TRPM4: variants seen among roughly 807,000 people sequenced by gnomAD.
TRPM4 encodes transient receptor potential cation channel subfamily M member 4.
In TRPM4, 124 loss-of-function variants were observed where a neutral mutation model predicts 135.6. The observed-to-expected ratio is 0.91, with a 90% CI of 0.79 to 1.06. TRPM4 has a LOEUF of 1.06. Among genes scored for constraint, TRPM4 ranks in the 50% least tolerant of loss-of-function variants. The pLI is 0.00. For synonymous variants in TRPM4, 745 were observed against 705.6 expected, an observed-to-expected ratio of 1.06 and a Z score of -0.88; for missense variants, 1,658 against 1,671.4, an observed-to-expected ratio of 0.99 and a Z score of 0.14.
chr19:49,183,951 T>A (rs1968101990), intron 12 of TRPM4, among the ~76,000 whole-genome samples: 1 of 151,804 alleles, frequency 6.6e-6, no homozygotes, highest in Non-Finnish European at 1.5e-5. Context: ...TTTTTTGTAT[T>A]TTTAGTAGAG....
rs1968863800 is a variant in TRPM4 at position 49,200,297 on chromosome 19, C to T, written c.2646-3C>T. The T allele has an allele frequency of 1.2e-6, 2 of 1,614,008 alleles. No individual in the cohort carries two copies. The highest frequency in any genetic ancestry group is 1.3e-5 in the African/African-American group (1 of 74,900). The stretch of plus-strand genomic sequence containing the variant: ...ACCCTTGTGGCATCTCCCCACACCC[C>T]AGGCTGACCCCGGGTTTGTACCACC... On this transcript the variant is annotated splice_polypyrimidine_tract_variant and splice_region_variant and intron_variant, in intron 17 of 24. Coordinates refer to ENST00000252826, the MANE Select transcript of TRPM4 (RefSeq NM_017636.4).
intron 9 of TRPM4, among the ~76,000 whole-genome samples, chr19:49,176,792 C>T (rs984211035): frequency 2.6e-5 from 4 of 152,102 alleles, no homozygotes; most frequent in Non-Finnish European, 4.4e-5. Context: ...TGGAGGTTGC[C>T]GTGAGCCAAG....
intron 16 of TRPM4, among the ~76,000 whole-genome samples, chr19:49,192,760 G>C (rs1968458038): frequency 6.6e-6 from 1 of 151,874 alleles, no homozygotes; most frequent in African/African-American, 2.4e-5. Flanking sequence ...GGAATAATCT[G>C]TACAACAAAC....
At chr19:49,166,273 C>CT in intron 3 of TRPM4, 58 bp downstream of exon 3, 1 of 1,519,110 alleles carries the variant, frequency 6.6e-7, no homozygotes, top group African/African-American at 1.4e-5. Context: ...GCTCGGGGCT[C>CT]CAGAGTGGAG....
chr19:49,157,822 G>T lies in TRPM4; in HGVS notation c.-45G>T. ...TCTGGAAGCAGAGCCGGCGGAGGGA[G>T]CGCCGGGGCCCTGGGCTGCAGGAGG... On this transcript the variant is annotated 5_prime_UTR_variant, in exon 1 of 25. Coordinates refer to ENST00000252826, the MANE Select transcript of TRPM4 (RefSeq NM_017636.4). 1.3e-6 allele frequency: 2 copies of T among 1,533,428 alleles called. No individual in the cohort carries two copies. The highest frequency in any genetic ancestry group is 1.7e-6 in the Non-Finnish European group (2 of 1,145,638). The allele number at this position is 1,533,428 out of a possible 1,614,324, so 95.0% of individuals were successfully genotyped here. A position where few individuals can be genotyped will look rare whatever the true frequency, so the allele number is the denominator to read the frequency against.
chr19:49,185,988 T>C (rs1225702219), intron 12 of TRPM4, among the ~76,000 whole-genome samples: 1 of 151,972 alleles, frequency 6.6e-6, no homozygotes, highest in Admixed American at 6.6e-5. Context: ...TGACCTCAGG[T>C]GATCCACCCA....
chr19:49,211,350 A>G lies in TRPM4; in HGVS notation c.3640+81A>G. The G allele has an allele frequency of 6.4e-7, 1 of 1,573,592 alleles. No individual in the cohort carries two copies. The highest frequency in any genetic ancestry group is 8.7e-7 in the Non-Finnish European group (1 of 1,149,688). ...TGTTTTTCTCTCTCGGCACCTTTCC[A>G]GTGTCCCTGGGTCACTCTCTTGGTC... On this transcript the variant is annotated intron_variant, in intron 24 of 24. Coordinates refer to ENST00000252826, the MANE Select transcript of TRPM4 (RefSeq NM_017636.4). The surrounding 1 kb of genome is among the most constrained non-coding windows in gnomAD (Gnocchi z 4.8).
rs763969956 is a variant in TRPM4, at chr19:49,166,173, C to G, written c.225C>G (p.Tyr75Ter). 1 of 1,609,160 alleles carries G rather than the reference C, an allele frequency of 6.2e-7. No individual in the cohort carries two copies. The highest frequency in any genetic ancestry group is 8.5e-7 in the Non-Finnish European group (1 of 1,178,584). Residue 75 changes from tyrosine (Y) to a stop codon, truncating the protein, a stop_gained, in exon 3 of 25, where the codon TAC (tyrosine) becomes TAG (stop). Coordinates refer to ENST00000252826, the MANE Select transcript of TRPM4 (RefSeq NM_017636.4). LOFTEE classifies it high-confidence loss of function. Reference sequence around the variant, plus strand: ...CCACGGAGAAGCCCACCGATGCCTACGGAGAGCTGGACTTCACGGGGGCCG... The same window carrying G: ...CCACGGAGAAGCCCACCGATGCCTAGGGAGAGCTGGACTTCACGGGGGCCG... The part of the protein sequence containing the change: ...AHTTEKPTDA[Y>*]GELDFTGAGR...
At position 49,196,609 on chromosome 19, in the gene TRPM4, C is replaced by T. The variant is rs3745301; in HGVS notation, c.2380C>T (p.Leu794=). 0.059 allele frequency: 91,583 copies of T among 1,555,502 alleles called. 3,211 individuals carry two copies. The highest frequency in any genetic ancestry group is 0.15 in the East Asian group (6,245 of 41,884). ...CAACGTGGTCAGCTACCTGCTGTTC[C>T]TGCTGCTTTTCTCGCGGGTGCTGCT... ...MGNVVSYLLF[L]LLFSRVLLVD... Residue 794 remains leucine (L), a synonymous_variant, in exon 17 of 25, where the codon CTG becomes TTG. Coordinates refer to ENST00000252826, the MANE Select transcript of TRPM4 (RefSeq NM_017636.4).
chr19:49,157,860 C>G lies in TRPM4; in HGVS notation c.-7C>G. ...GGGCTGCAGGAGGTTGCGGCGGCCGCGGCAGCATGGTGGTGCCGGAGAAGG... is the reference window on the plus strand; with the variant it reads ...GGGCTGCAGGAGGTTGCGGCGGCCGGGGCAGCATGGTGGTGCCGGAGAAGG... On this transcript the variant is annotated 5_prime_UTR_variant, in exon 1 of 25. Coordinates refer to ENST00000252826, the MANE Select transcript of TRPM4 (RefSeq NM_017636.4). 1 of 1,534,510 alleles carries G rather than the reference C, an allele frequency of 6.5e-7. No individual in the cohort carries two copies. Among genetic ancestry groups the G allele is most frequent in the South Asian group, 1.2e-5 (1 of 83,962 alleles).
At chr19:49,158,610 TCA>T in intron 2 of TRPM4, 3 of 283,240 alleles carry the variant, frequency 1.1e-5, no homozygotes, top group Non-Finnish European at 6.8e-6. Flanking sequence ...ATTCATTCAT[TCA>T]TTCATTCATC....
chr19:49,190,943 T>G (rs1011954762), intron 16 of TRPM4, among the ~76,000 whole-genome samples, 170 bp downstream of exon 16: 4 of 152,140 alleles, frequency 2.6e-5, no homozygotes, highest in African/African-American at 4.8e-5. Context: ...TTCTGCAGGT[T>G]GTACAGGAAG....
Position 49,210,610 on chromosome 19 carries a change from T to C in TRPM4, c.3329-100T>C, listed in dbSNP as rs1430935904. ...GGCATGTTCTCGAATCACCAGGGGC[T>C]GGGTCTGGGATAGCGTGCGTGTTCT... On this transcript the variant is annotated intron_variant, in intron 21 of 24. Coordinates refer to ENST00000252826, the MANE Select transcript of TRPM4 (RefSeq NM_017636.4). This position sits in a 1 kb window ranked among gnomAD's most constrained non-coding sequence, Gnocchi z 4.1. 1 of 1,577,924 alleles carries C rather than the reference T, an allele frequency of 6.3e-7. No individual in the cohort carries two copies. The highest frequency in any genetic ancestry group is 8.7e-7 in the Non-Finnish European group (1 of 1,151,456).
At chr19:49,195,840 C>T (rs1968612120) in intron 16 of TRPM4, among the ~76,000 whole-genome samples, 1 of 150,028 alleles carries the variant, frequency 6.7e-6, no homozygotes, top group Admixed American at 6.6e-5. Context: ...CTTGCCCCTA[C>T]TACTGGCTAA....
chr19:49,192,792 A>G (rs1968459007), intron 16 of TRPM4, among the ~76,000 whole-genome samples: 1 of 152,110 alleles, frequency 6.6e-6, no homozygotes, highest in South Asian at 2.1e-4. Flanking sequence ...AAATTTACCT[A>G]CCTAACAAAC....
intron 2 of TRPM4, 108 bp downstream of exon 2, chr19:49,158,367 A>G: frequency 1.9e-6 from 2 of 1,078,274 alleles, no homozygotes; most frequent in South Asian, 2.5e-5. Context: ...GGACTCGGGG[A>G]CCTTCCCAAG....
At chr19:49,203,312 TA>T (rs1384640357) in intron 20 of TRPM4, among the ~76,000 whole-genome samples, 1 of 152,010 alleles carries the variant, frequency 6.6e-6, no homozygotes, top group Non-Finnish European at 1.5e-5. Flanking sequence ...CCCAAGTAGC[TA>T]GGACTACAGG....
At chr19:49,183,044 G>T (rs772458499) in intron 11 of TRPM4, 34 bp from the exon 12 acceptor site, 2 of 1,608,442 alleles carry the variant, frequency 1.2e-6, no homozygotes, top group Non-Finnish European at 1.7e-6. Flanking sequence ...GTTGGGGAGG[G>T]GCTGGTCCTC....
chr19:49,181,803 G>A (rs1029876161), intron 10 of TRPM4, among the ~76,000 whole-genome samples: 4 of 151,894 alleles, frequency 2.6e-5, no homozygotes, highest in Non-Finnish European at 5.9e-5. Context: ...AAGTGCTGGG[G>A]TTACAGGCAT....
Sources: allele counts gnomAD v4.1 joint callset (sites outside exome capture counted in the v4.1 genomes callset), GRCh38; gene constraint gnomAD v4.1.1; non-coding constraint Gnocchi (gnomAD v3.1); transcripts MANE v1.5; gene names NCBI Gene and HGNC (gene_info 2026-07-23, HGNC 2026-07-21).